Variants in TFEC observed in about 807,000 individuals in gnomAD.
TFEC encodes transcription factor EC.
Under a neutral mutation model 41.6 loss-of-function variants are expected in TFEC, and 31 were observed. The observed-to-expected ratio is 0.74, with a 90% CI of 0.56 to 1.01. The LOEUF (loss-of-function observed/expected upper bound fraction) is 1.01. TFEC is among the 50% of genes least tolerant of loss of function. The pLI is 0.00. For synonymous variants in TFEC, 143 were observed against 140.6 expected, an observed-to-expected ratio of 1.02 and a Z score of -0.12; for missense variants, 402 against 404.1, an observed-to-expected ratio of 0.99 and a Z score of 0.04.
intron 1 of TFEC, among the ~76,000 whole-genome samples, chr7:115,986,987 A>C (rs990223275): frequency 6.6e-6 from 1 of 152,238 alleles, no homozygotes; most frequent in African/African-American, 2.4e-5. Context: ...GTTGTGAGAC[A>C]GTCACAAATG....
chr7:116,019,659 T>G (rs1394402575), intron 1 of TFEC, among the ~76,000 whole-genome samples: 2 of 152,098 alleles, frequency 1.3e-5, no homozygotes, highest in African/African-American at 4.8e-5. Flanking sequence ...AGCCCCAAGA[T>G]TATGAAACAA....
chr7:115,963,840 G>A (rs1792699230), intron 3 of TFEC, among the ~76,000 whole-genome samples: 1 of 151,532 alleles, frequency 6.6e-6, no homozygotes, highest in African/African-American at 2.4e-5. Flanking sequence ...AATGGATAGT[G>A]GTGATGGTTA....
intron 1 of TFEC, among the ~76,000 whole-genome samples, chr7:116,126,139 A>G (rs1798204288): frequency 1.3e-5 from 2 of 152,214 alleles, no homozygotes; most frequent in South Asian, 4.1e-4. Flanking sequence ...TAAGAAAGGT[A>G]TAAGGAAAAA....
Position 115,939,244 on chromosome 7 carries a change from G to A in TFEC, c.*1307C>T, listed in dbSNP as rs1383813517. Reference sequence around the variant, plus strand: ...TTCTCAGGACTCACTGCAGTTCTGAGTATGCCTCCATGAATACTCATTGAT... The same window carrying A: ...TTCTCAGGACTCACTGCAGTTCTGAATATGCCTCCATGAATACTCATTGAT... On this transcript the variant is annotated 3_prime_UTR_variant, in exon 8 of 8. Coordinates refer to ENST00000265440, the MANE Select transcript of TFEC (RefSeq NM_012252.4). 2 of 151,898 alleles carry A rather than the reference G, an allele frequency of 1.3e-5. No homozygotes were observed. The highest frequency in any genetic ancestry group is 4.8e-5 in the African/African-American group (2 of 41,382). 9.4% of individuals were successfully genotyped at this position (151,898 alleles called of 1,614,324 possible). A position where few individuals can be genotyped will look rare whatever the true frequency, so the allele number is the denominator to read the frequency against.
chr7:116,063,576 A>G lies in TFEC; in HGVS notation c.198+47132T>C, dbSNP rs948566003. The stretch of plus-strand genomic sequence containing the variant: ...GGAGGTTGCAGTGAGCCAAGATCAC[A>G]CCAATGCACTCCAGCCTGGGCAACA... On this transcript the variant is annotated intron_variant, in intron 3 of 8. Transcript: ENST00000484212. Among the ~76,000 whole-genome samples, 3 of 152,178 alleles carry G rather than the reference A, an allele frequency of 2.0e-5. No homozygotes were observed. In the East Asian group the frequency reaches 5.8e-4, roughly 29 times the overall value.
At chr7:116,013,322 G>A (rs139309250) in intron 1 of TFEC, among the ~76,000 whole-genome samples, 1 of 152,122 alleles carries the variant, frequency 6.6e-6, no homozygotes, top group East Asian at 1.9e-4. Context: ...TCAGTTACAT[G>A]GTTGTCATAG....
chr7:116,029,236 T>C (rs1483978337), intron 1 of TFEC, among the ~76,000 whole-genome samples: 1 of 152,132 alleles, frequency 6.6e-6, no homozygotes, highest in Non-Finnish European at 1.5e-5. Flanking sequence ...TGTATTCCAT[T>C]TGTTTTAGAG....
chr7:115,975,102 T>A (rs1414759213), intron 2 of TFEC, among the ~76,000 whole-genome samples: 3 of 152,076 alleles, frequency 2.0e-5, no homozygotes, highest in African/African-American at 7.2e-5. Context: ...ATAGTCCAAA[T>A]CTTATTGGCT....
chr7:116,092,359 G>A (rs1174791913), intron 3 of TFEC, among the ~76,000 whole-genome samples: 3 of 152,156 alleles, frequency 2.0e-5, no homozygotes, highest in South Asian at 4.1e-4. Context: ...TTGATTAGCT[G>A]TAATAGGACT....
chr7:116,145,092 C>A (rs1444027505), intron 1 of TFEC, among the ~76,000 whole-genome samples: 4 of 152,170 alleles, frequency 2.6e-5, no homozygotes, highest in Non-Finnish European at 5.9e-5. Flanking sequence ...ATAACAATCA[C>A]CCCACCTTTT....
intron 3 of TFEC, among the ~76,000 whole-genome samples, chr7:116,090,269 C>T (rs540848167): frequency 7.2e-5 from 11 of 152,170 alleles, no homozygotes; most frequent in South Asian, 2.1e-4. Flanking sequence ...AGACTGATTG[C>T]GGGCCACCAA....
intron 1 of TFEC, among the ~76,000 whole-genome samples, chr7:116,132,514 A>G (rs1026751312): frequency 6.6e-6 from 1 of 152,224 alleles, no homozygotes; most frequent in Non-Finnish European, 1.5e-5. Context: ...AGCTTCATCA[A>G]AGGCAATCCT....
chr7:116,035,160 CCTTT>C (rs1562945502), upstream of TFEC, among the ~76,000 whole-genome samples: 2 of 151,868 alleles, frequency 1.3e-5, no homozygotes, highest in African/African-American at 2.4e-5. Flanking sequence ...AATTTTATTC[CCTTT>C]ATTTATAATC....
At chr7:116,075,470 G>A (rs1796936436) in intron 3 of TFEC, among the ~76,000 whole-genome samples, 2 of 152,092 alleles carry the variant, frequency 1.3e-5, no homozygotes, top group African/African-American at 2.4e-5. Flanking sequence ...AGGGAGGCTC[G>A]TGGTCTGGGG....
At chr7:116,053,070 T>TA (rs1311609355) in intron 3 of TFEC, among the ~76,000 whole-genome samples, 14 of 150,692 alleles carry the variant, frequency 9.3e-5, no homozygotes, top group East Asian at 3.9e-4. Context: ...AGACTCCATT[T>TA]AAAAAAAAAG....
At chr7:116,003,404 T>A (rs1433593999) in intron 1 of TFEC, among the ~76,000 whole-genome samples, 1 of 152,086 alleles carries the variant, frequency 6.6e-6, no homozygotes, top group African/African-American at 2.4e-5. Flanking sequence ...GGCCATTAGA[T>A]GATTTAAAAA....
intron 3 of TFEC, among the ~76,000 whole-genome samples, chr7:116,086,843 A>ATTT (rs1487922619): frequency 6.6e-6 from 1 of 151,922 alleles, no homozygotes; most frequent in Non-Finnish European, 1.5e-5. Context: ...TAATTATGCA[A>ATTT]TTTCTACTCC....
rs556849669 is a variant in TFEC, at chr7:116,138,915, G to A, written c.-69+20875C>T. ...CAAAAACCTCTGTAACAAAGGCTAC[G>A]AGACTGAAATACAATAATAATTGCA... On this transcript the variant is annotated intron_variant, in intron 1 of 8. Transcript: ENST00000484212. Among the ~76,000 whole-genome samples the A allele has an allele frequency of 1.8e-4, 27 of 152,246 alleles. No homozygotes were observed. In the South Asian group the frequency reaches 2.3e-3, roughly 13 times the overall value.
At position 115,941,678 on chromosome 7, in the gene TFEC, C is replaced by T. The variant is rs1345889248; in HGVS notation, c.663+215G>A. On this transcript the variant is annotated intron_variant, in intron 7 of 7. Transcript: ENST00000265440. ...ACATATATGTGTATATACATATATA[C>T]ATATATACATATTCAGCCATCTTGA... 6.8e-6 allele frequency: 4 copies of T among 584,142 alleles called. No individual in the cohort carries two copies. In the African/African-American group the frequency reaches 7.5e-5, roughly 11 times the overall value. The allele number at this position is 584,142 out of a possible 1,614,324, so 36.2% of individuals were successfully genotyped here.
Sources: gnomAD v4.1 joint callset for allele counts (sites outside exome capture counted in the v4.1 genomes callset) on GRCh38, gnomAD v4.1.1 for gene constraint, MANE v1.5 for transcripts, NCBI Gene and HGNC (gene_info 2026-07-23, HGNC 2026-07-21) for gene names.